The following ZNF276 variants were observed in gnomAD, a reference collection of about 807,000 sequenced individuals.
ZNF276 encodes zinc finger protein 276.
ZNF276 carries 59 observed loss-of-function variants against 63.9 expected under a neutral mutation model. That is an observed-to-expected ratio of 0.92 (90% CI 0.75 to 1.15). The LOEUF is 1.15. Ranked by LOEUF, ZNF276 falls within the 50% of genes most tolerant of loss-of-function variation. ZNF276 has a pLI of 0.00. For missense variants in ZNF276, 1,084 were observed against 843.8 expected (o/e 1.28, Z -3.53); for synonymous variants, 496 against 348.4 (o/e 1.42, Z -4.72).
At chr16:89,728,456 T>C (rs967225216) in intron 5 of ZNF276, among the ~76,000 whole-genome samples, 2 of 151,998 alleles carry the variant, frequency 1.3e-5, no homozygotes, top group Non-Finnish European at 1.5e-5. Context: ...CAGGCTGGAG[T>C]GCAGTGGCAC....
rs1200417465 is a variant in ZNF276 at position 89,739,765 on chromosome 16, C to T, written c.*1519C>T. The stretch of plus-strand genomic sequence containing the variant: ...CTCTTGCAGGAGGGTGGGTGTGGTG[C>T]AGAGAGAGGCAGTCCCCATGATAGG... On this transcript the variant is annotated 3_prime_UTR_variant, in exon 11 of 11. Transcript: ENST00000443381. 1.4e-6 allele frequency: 2 copies of T among 1,476,668 alleles called. No individual in the cohort carries two copies. The highest frequency in any genetic ancestry group is 1.8e-6 in the Non-Finnish European group (2 of 1,117,318). The allele number at this position is 1,476,668 out of a possible 1,614,324, so 91.5% of individuals were successfully genotyped here.
At chr16:89,737,611 G>A in intron 9 of ZNF276, 195 bp from the exon 10 acceptor site, 1 of 1,054,736 alleles carries the variant, frequency 9.5e-7, no homozygotes, top group Non-Finnish European at 1.3e-6. Context: ...AGCTGATGAA[G>A]CCACGTGACA....
chr16:89,734,477 A>G (rs1046008957), intron 9 of ZNF276, among the ~76,000 whole-genome samples: 4 of 152,056 alleles, frequency 2.6e-5, no homozygotes, highest in African/African-American at 9.7e-5. Context: ...AGGCACCCGC[A>G]ACCATGCCTG....
chr16:89,739,051 G>A lies in ZNF276; in HGVS notation c.*805G>A, dbSNP rs1464219536. On this transcript the variant is annotated 3_prime_UTR_variant, in exon 11 of 11. Transcript: ENST00000443381. ...CTGGTGTGTCCCCCATAGTCTGCATGCTGTGCCGGAACATTCTTTGGCAGA... is the reference window on the plus strand; with the variant it reads ...CTGGTGTGTCCCCCATAGTCTGCATACTGTGCCGGAACATTCTTTGGCAGA... 2 of 1,613,858 alleles carry A rather than the reference G, an allele frequency of 1.2e-6. No homozygotes were observed. The highest frequency in any genetic ancestry group is 2.2e-5 in the East Asian group (1 of 44,886).
At chr16:89,733,062 G>C in intron 6 of ZNF276, 1 of 533,646 alleles carries the variant, frequency 1.9e-6, no homozygotes, top group South Asian at 2.0e-5. Flanking sequence ...CTCGCCCTCT[G>C]CTGTGTTCAC....
rs544389701 is a variant in ZNF276 at position 89,728,238 on chromosome 16, T to G, written c.1085+881T>G. On this transcript the variant is annotated intron_variant, in intron 5 of 10. Coordinates refer to ENST00000443381, the MANE Select transcript of ZNF276 (RefSeq NM_001113525.2). ...TTTTTTTTTCCTTTTGTGAACTTTT[T>G]TTTTTAGACCGAGCCTTACTCTGTT... Among the ~76,000 whole-genome samples the G allele has an allele frequency of 4.0e-5, 6 of 151,844 alleles. No homozygotes were observed. In the South Asian group the frequency reaches 8.3e-4, roughly 21 times the overall value.
intron 1 of ZNF276, 74 bp downstream of exon 1, chr16:89,721,919 C>A: frequency 9.5e-7 from 1 of 1,048,312 alleles, no homozygotes; most frequent in Non-Finnish European, 1.2e-6. Context: ...GCACTGACGC[C>A]CGGAAGCCGG....
At position 89,738,498 on chromosome 16, in the gene ZNF276, G is replaced by C. The variant is rs536287114; in HGVS notation, c.*252G>C. The C allele has an allele frequency of 1.9e-6, 3 of 1,550,248 alleles. No individual in the cohort carries two copies. The highest frequency in any genetic ancestry group is 2.3e-5 in the East Asian group (1 of 44,412). ...GATTCCTTTCCCCACTAAAGCAGTC[G>C]AGGAGATTTGTAATCCACTTTTTAG... On this transcript the variant is annotated 3_prime_UTR_variant, in exon 11 of 11. Coordinates refer to ENST00000443381, the MANE Select transcript of ZNF276 (RefSeq NM_001113525.2).
At chr16:89,733,608 T>TG in intron 8 of ZNF276, 51 bp downstream of exon 8, 2 of 1,597,802 alleles carry the variant, frequency 1.3e-6, no homozygotes, top group Non-Finnish European at 1.7e-6. Context: ...AGTGTGAACC[T>TG]GGGGGAGGTA....
At position 89,739,775 on chromosome 16, in the gene ZNF276, C is replaced by T. The variant is rs1249740023; in HGVS notation, c.*1529C>T. 1.4e-6 allele frequency: 2 copies of T among 1,473,736 alleles called. No individual in the cohort carries two copies. The highest frequency in any genetic ancestry group is 2.8e-5 in the African/African-American group (2 of 71,384). 91.3% of individuals were successfully genotyped at this position (1,473,736 alleles called of 1,614,324 possible). On this transcript the variant is annotated 3_prime_UTR_variant, in exon 11 of 11. Transcript: ENST00000443381. ...AGGGTGGGTGTGGTGCAGAGAGAGG[C>T]AGTCCCCATGATAGGCCCATTGGTC...
upstream of ZNF276, chr16:89,720,771 G>C: frequency 3.4e-6 from 5 of 1,451,516 alleles, no homozygotes; most frequent in South Asian, 6.7e-5. Context: ...ACCCGGGGCC[G>C]GTTGCCGGTG....
rs2061364644 is a variant in ZNF276, at chr16:89,723,262, G to C, written c.559G>C (p.Asp187His). 6.2e-7 allele frequency: 1 copy of C among 1,613,014 alleles called. No individual in the cohort carries two copies. Among genetic ancestry groups the C allele is most frequent in the South Asian group, 1.1e-5 (1 of 91,080 alleles). Residue 187 changes from aspartate (D) to histidine (H), a missense_variant and splice_region_variant, in exon 4 of 11, where the codon GAT becomes CAT. Physicochemically the swap from Asp to His is moderately conservative, Grantham distance 81. Coordinates refer to ENST00000443381, the MANE Select transcript of ZNF276 (RefSeq NM_001113525.2). Reference protein sequence around the residue: ...TGAEEGACLVDLITSSPQCLH... With the variant: ...TGAEEGACLVHLITSSPQCLH... ...ACATCTCTGTTGACTCTCTGCAGTG[G>C]ATCTGATCACATCCAGCCCCCAGTG...
intron 6 of ZNF276, among the ~76,000 whole-genome samples, chr16:89,730,679 C>T (rs2061616616): frequency 6.6e-6 from 1 of 152,178 alleles, no homozygotes; most frequent in Non-Finnish European, 1.5e-5. Context: ...GCGCAGGAGG[C>T]AGGACTGGGT....
intron 8 of ZNF276, 50 bp from the exon 9 acceptor site, chr16:89,733,871 A>G (rs371607852): frequency 3.2e-6 from 5 of 1,580,924 alleles, no homozygotes; most frequent in Admixed American, 1.7e-5. Context: ...GGCTCGTGCC[A>G]TGTGGCCCGG....
At chr16:89,721,475 C>T (rs1021947810), upstream of ZNF276, 8 of 581,722 alleles carry the variant, frequency 1.4e-5, no homozygotes, top group Non-Finnish European at 1.8e-5. Context: ...CGGCGGGGTC[C>T]CGCCCCTGGC....
chr16:89,731,141 A>C (rs981558006), intron 6 of ZNF276, among the ~76,000 whole-genome samples: 1 of 152,244 alleles, frequency 6.6e-6, no homozygotes, highest in Admixed American at 6.5e-5. Context: ...GGGGCCACCC[A>C]ATCCAGGCAG....
Position 89,739,620 on chromosome 16 carries a change from C to T in ZNF276, c.*1374C>T. The T allele has an allele frequency of 6.5e-7, 1 of 1,530,122 alleles. No individual in the cohort carries two copies. Among genetic ancestry groups the T allele is most frequent in the South Asian group, 1.2e-5 (1 of 83,628 alleles). The allele number at this position is 1,530,122 out of a possible 1,614,324, so 94.8% of individuals were successfully genotyped here. On this transcript the variant is annotated 3_prime_UTR_variant, in exon 11 of 11. Transcript: ENST00000443381. ...TGCCTATTATCAGTGCTGGGGACAC[C>T]CCTGGGGGTCGGGACGTGTACCCTG...
At chr16:89,725,478 G>A (rs548963970) in intron 4 of ZNF276, among the ~76,000 whole-genome samples, 1 of 147,882 alleles carries the variant, frequency 6.8e-6, no homozygotes, top group South Asian at 2.3e-4. Context: ...ACCGCGCCCA[G>A]CCAAGAACAA....
intron 9 of ZNF276, 38 bp downstream of exon 9, chr16:89,734,076 C>T: frequency 1.9e-6 from 3 of 1,581,314 alleles, no homozygotes; most frequent in South Asian, 1.1e-5. Context: ...CGGGTGACAG[C>T]CAGGGGCACG....
Sources: allele counts gnomAD v4.1 joint callset (sites outside exome capture counted in the v4.1 genomes callset), GRCh38; gene constraint gnomAD v4.1.1; transcripts MANE v1.5; gene names NCBI Gene and HGNC (gene_info 2026-07-23, HGNC 2026-07-21).